Variants in CYP11A1 observed in about 807,000 individuals in gnomAD.
CYP11A1 encodes the protein cytochrome P450 family 11 subfamily A member 1.
A neutral mutation model predicts 51.9 loss-of-function variants in CYP11A1; 25 were observed. The observed-to-expected ratio is 0.48, with a 90% CI of 0.35 to 0.67. The LOEUF (loss-of-function observed/expected upper bound fraction) is 0.67, where lower values mean the gene tolerates loss of function less well. Among genes scored for constraint, CYP11A1 ranks in the 30% least tolerant of loss-of-function variants. The pLI is 0.00. For missense variants in CYP11A1, 578 were observed against 680.9 expected (o/e 0.85, Z 1.68); for synonymous variants, 245 against 262.1 (o/e 0.93, Z 0.63).
intron 5 of CYP11A1, among the ~76,000 whole-genome samples, chr15:74,341,477 T>G (rs2060606856): frequency 6.6e-6 from 1 of 152,198 alleles, no homozygotes; most frequent in African/African-American, 2.4e-5. Flanking sequence ...TGAAATGCTA[T>G]TCCTTCTCTC....
chr15:74,342,863 C>A, intron 5 of CYP11A1, 114 bp downstream of exon 5: 1 of 1,115,976 alleles, frequency 9.0e-7, no homozygotes, highest in South Asian at 1.3e-5. Context: ...GAAGACATAT[C>A]CTACATGAGT....
chr15:74,352,427 G>A (rs769916439), intron 1 of CYP11A1, among the ~76,000 whole-genome samples: 21 of 151,662 alleles, frequency 1.4e-4, no homozygotes, highest in Non-Finnish European at 2.4e-4. Context: ...ACGCCACCAC[G>A]CCCAGCTAAT....
In CYP11A1 at chr15:74,367,401, A is replaced by C; in HGVS notation, c.185T>G (p.Leu62Arg). The part of the protein sequence containing the change: ...PSPGDNGWLN[L>R]YHFWRETGTH... Reference sequence around the variant, plus strand: ...GCCCGTCTCCCTCCAGAAATGGTACAGGTTTAGCCAGCCATTGTCACCAGG... The same window carrying C: ...GCCCGTCTCCCTCCAGAAATGGTACCGGTTTAGCCAGCCATTGTCACCAGG... The change falls in exon 1 of 9, where the codon CTG becomes CGG. Residue 62 changes from leucine (L) to arginine (R), a missense_variant. Leu to Arg is a moderately radical substitution (Grantham distance 102, BLOSUM62 -2). Transcript: ENST00000268053. 6.2e-7 allele frequency: 1 copy of C among 1,614,192 alleles called. No individual in the cohort carries two copies. The highest frequency in any genetic ancestry group is 8.5e-7 in the Non-Finnish European group (1 of 1,180,024).
At chr15:74,349,242 A>T (rs1010066889) in intron 1 of CYP11A1, among the ~76,000 whole-genome samples, 1 of 152,226 alleles carries the variant, frequency 6.6e-6, no homozygotes, top group Admixed American at 6.5e-5. Flanking sequence ...TAAGCAAAAA[A>T]TAAGAAATAA....
Position 74,367,428 on chromosome 15 carries a change from G to A in CYP11A1, c.158C>T (p.Ser53Phe), listed in dbSNP as rs377707559. Reference protein sequence around the residue: ...RSPRPFNEIPSPGDNGWLNLY... With the variant: ...RSPRPFNEIPFPGDNGWLNLY... Reference sequence around the variant, plus strand: ...GTTTAGCCAGCCATTGTCACCAGGAGAGGGGATCTCATTGAAGGGGCGAGG... The same window carrying A: ...GTTTAGCCAGCCATTGTCACCAGGAAAGGGGATCTCATTGAAGGGGCGAGG... The change falls in exon 1 of 9, where the codon TCT becomes TTT. Residue 53 changes from serine (S) to phenylalanine (F), a missense_variant. Physicochemically the swap from Ser to Phe is radical, Grantham distance 155 (BLOSUM62 -2). Transcript: ENST00000268053. The A allele has an allele frequency of 1.2e-6, 2 of 1,614,136 alleles. No homozygotes were observed. Among genetic ancestry groups the A allele is most frequent in the African/African-American group, 2.7e-5 (2 of 74,944 alleles).
intron 1 of CYP11A1, among the ~76,000 whole-genome samples, chr15:74,349,329 C>A (rs2060645442): frequency 6.6e-6 from 1 of 152,214 alleles, no homozygotes; most frequent in South Asian, 2.1e-4. Context: ...AATTAAGATA[C>A]ACTTTTAGGC....
Position 74,351,605 on chromosome 15 carries a change from G to A in CYP11A1, c.270-3550C>T, listed in dbSNP as rs551258510. Among the ~76,000 whole-genome samples the A allele has an allele frequency of 9.2e-5, 14 of 152,320 alleles. No individual in the cohort carries two copies. The South Asian group carries it at 2.5e-3, about 27-fold the overall frequency. On this transcript the variant is annotated intron_variant, in intron 1 of 8. Coordinates refer to ENST00000268053, the MANE Select transcript of CYP11A1 (RefSeq NM_000781.3). The stretch of plus-strand genomic sequence containing the variant: ...GGGACCCTAAGATTGGACCCCACAG[G>A]AGGATGCTCTGTGGGTCCTGCGGAC...
intron 1 of CYP11A1, among the ~76,000 whole-genome samples, chr15:74,365,086 T>C (rs1221622946): frequency 1.3e-5 from 2 of 151,840 alleles, no homozygotes; most frequent in African/African-American, 4.8e-5. Flanking sequence ...GACTGACCCA[T>C]TGGAATGCTC....
At position 74,366,003 on chromosome 15, in the gene CYP11A1, C is replaced by T. The variant is rs116448780; in HGVS notation, c.269+1314G>A. 2,689 of 986,254 alleles carry T rather than the reference C, an allele frequency of 2.7e-3. 52 individuals carry two copies. In the African/African-American group the frequency reaches 0.044, roughly 16 times the overall value. 61.1% of individuals were successfully genotyped at this position (986,254 alleles called of 1,614,324 possible). A position where few individuals can be genotyped will look rare whatever the true frequency, so the allele number is the denominator to read the frequency against. On this transcript the variant is annotated intron_variant, in intron 1 of 8. Coordinates refer to ENST00000268053, the MANE Select transcript of CYP11A1 (RefSeq NM_000781.3). ...TGCGGTGGGGCCGCCGCCGCCTCCG[C>T]GGGGCCGAGCGCCTGGACCTCGCCC...
intron 5 of CYP11A1, among the ~76,000 whole-genome samples, chr15:74,341,877 G>A (rs2060608462): frequency 6.6e-6 from 1 of 152,204 alleles, no homozygotes; most frequent in African/African-American, 2.4e-5. Context: ...GTGAGACAGA[G>A]GGAGAAGACG....
At chr15:74,361,713 AT>A in intron 1 of CYP11A1, 2 of 1,254,806 alleles carry the variant, frequency 1.6e-6, no homozygotes, top group Non-Finnish European at 2.3e-6. Flanking sequence ...CTGCTTTCAC[AT>A]AATTATTCCA....
At chr15:74,364,732 G>A (rs940321378) in intron 1 of CYP11A1, 1 of 152,374 alleles carries the variant, frequency 6.6e-6, no homozygotes, top group African/African-American at 2.4e-5. Flanking sequence ...GAGGGTCTAG[G>A]AAGTGGTGAA....
At chr15:74,339,468 T>C in intron 6 of CYP11A1, 119 bp downstream of exon 6, 1 of 1,471,530 alleles carries the variant, frequency 6.8e-7, no homozygotes, top group Non-Finnish European at 9.4e-7. Context: ...CCTCCAGACT[T>C]TTCACTTCCT....
rs1162585971 is a variant in CYP11A1, at chr15:74,345,750, A to G, written c.426-507T>C. 6.6e-6 allele frequency among the ~76,000 whole-genome samples: 1 copy of G among 152,210 alleles called. No homozygotes were observed. The highest frequency in any genetic ancestry group is 1.5e-5 in the Non-Finnish European group (1 of 68,032). On this transcript the variant is annotated intron_variant, in intron 2 of 8. Coordinates refer to ENST00000268053, the MANE Select transcript of CYP11A1 (RefSeq NM_000781.3). This position sits in a 1 kb window ranked among gnomAD's most constrained non-coding sequence, Gnocchi z 4.3. ...TGTCGGGGGACCTCAGGTGCCCCGAACTGGGTTGGTCATAATAAACCTTAA... is the reference window on the plus strand; with the variant it reads ...TGTCGGGGGACCTCAGGTGCCCCGAGCTGGGTTGGTCATAATAAACCTTAA...
chr15:74,343,156 G>C lies in CYP11A1; in HGVS notation c.830-19C>G, dbSNP rs769057743. On this transcript the variant is annotated intron_variant, in intron 4 of 8. Coordinates refer to ENST00000268053, the MANE Select transcript of CYP11A1 (RefSeq NM_000781.3). The stretch of plus-strand genomic sequence containing the variant: ...ATGTCAGCTGTGGGGAAGGAGGAAA[G>C]AAAAAAGAGTGAGGTTCCCTGCAGG... The C allele has an allele frequency of 6.2e-7, 1 of 1,613,228 alleles. No homozygotes were observed. The highest frequency in any genetic ancestry group is 8.5e-7 in the Non-Finnish European group (1 of 1,179,930).
chr15:74,365,583 G>T, intron 1 of CYP11A1: 1 of 717,478 alleles, frequency 1.4e-6, no homozygotes, highest in Non-Finnish European at 1.7e-6. Context: ...GAGTTTCAAA[G>T]GGAGTGGGAT....
At chr15:74,346,443 T>C (rs895773671) in intron 2 of CYP11A1, among the ~76,000 whole-genome samples, 1 of 151,830 alleles carries the variant, frequency 6.6e-6, no homozygotes, top group Admixed American at 6.6e-5. Context: ...CCGTTCCAAG[T>C]ATCATCTGTA....
intron 8 of CYP11A1, 174 bp downstream of exon 8, chr15:74,338,397 C>T (rs2060589458): frequency 2.2e-5 from 17 of 775,782 alleles, no homozygotes; most frequent in Non-Finnish European, 3.1e-5. Flanking sequence ...TGGTTGAGCC[C>T]GAAAGAGGGG....
intron 1 of CYP11A1, chr15:74,348,367 C>A: frequency 2.6e-6 from 1 of 390,516 alleles, no homozygotes; most frequent in Non-Finnish European, 4.8e-6. Flanking sequence ...CCCAAAGCCA[C>A]CCCCGAGCCT....
Sources: gnomAD v4.1 joint callset for allele counts (sites outside exome capture counted in the v4.1 genomes callset) on GRCh38, gnomAD v4.1.1 for gene constraint, Gnocchi (gnomAD v3.1) non-coding constraint, MANE v1.5 for transcripts, NCBI Gene and HGNC (gene_info 2026-07-23, HGNC 2026-07-21) for gene names.